The following THRAP3 variants were observed in gnomAD, a reference collection of about 807,000 sequenced individuals.
THRAP3 encodes thyroid hormone receptor-associated protein 3.
In THRAP3, 16 loss-of-function variants were observed where a neutral mutation model predicts 101.0. That is an observed-to-expected ratio of 0.16 (90% CI 0.11 to 0.24). The LOEUF is 0.24. Ranked by LOEUF, THRAP3 falls within the 10% of genes least tolerant of loss-of-function variation. The probability of loss-of-function intolerance (pLI) is 1.00; values close to 1 mark genes in which losing one functional copy is unlikely to be tolerated. For synonymous variants in THRAP3, 407 were observed against 422.6 expected, an observed-to-expected ratio of 0.96 and a Z score of 0.45; for missense variants, 989 against 1,202.7, an observed-to-expected ratio of 0.82 and a Z score of 2.63.
intron 1 of THRAP3, among the ~76,000 whole-genome samples, chr1:36,226,875 C>T (rs1478822858): frequency 6.6e-6 from 1 of 152,080 alleles, no homozygotes; most frequent in Admixed American, 6.6e-5. Flanking sequence ...GGAAACTTAA[C>T]AGGATTGTTG....
At chr1:36,295,545 T>TTTCGTTCCTTCC (rs1553125425) in intron 8 of THRAP3, among the ~76,000 whole-genome samples, 1 of 145,408 alleles carries the variant, frequency 6.9e-6, no homozygotes, top group African/African-American at 2.6e-5. Context: ...AGAGAAGTTT[T>TTTCGTTCCTTCC]TTCCTTCCTT....
chr1:36,291,295 T>C, intron 5 of THRAP3, 79 bp from the exon 6 acceptor site: 1 of 1,433,348 alleles, frequency 7.0e-7, no homozygotes, highest in South Asian at 1.4e-5. Flanking sequence ...TTAAAACTCT[T>C]CAAAAAAGTA....
rs1646077617 is a variant in THRAP3 at position 36,304,703 on chromosome 1, C to T, written c.*686C>T. The T allele has an allele frequency of 4.6e-6, 1 of 216,934 alleles. No individual in the cohort carries two copies. The highest frequency in any genetic ancestry group is 2.3e-5 in the African/African-American group (1 of 44,352). 13.4% of individuals were successfully genotyped at this position (216,934 alleles called of 1,614,324 possible). Reference sequence around the variant, plus strand: ...TATCACGTGGAGTTGCTCCTTACCACACCTCACGTGCCCCTGAGCCCTATT... The same window carrying T: ...TATCACGTGGAGTTGCTCCTTACCATACCTCACGTGCCCCTGAGCCCTATT... On this transcript the variant is annotated 3_prime_UTR_variant, in exon 12 of 12. Coordinates refer to ENST00000354618, the MANE Select transcript of THRAP3 (RefSeq NM_005119.4).
intron 1 of THRAP3, among the ~76,000 whole-genome samples, chr1:36,252,858 G>T (rs1277091594): frequency 1.4e-5 from 2 of 148,012 alleles, no homozygotes; most frequent in Non-Finnish European, 3.0e-5. Context: ...ACTGAGCCAA[G>T]ACCATGCCAC....
chr1:36,269,384 CT>C (rs1645559977), intron 2 of THRAP3, among the ~76,000 whole-genome samples: 1 of 152,014 alleles, frequency 6.6e-6, no homozygotes, highest in Non-Finnish European at 1.5e-5. Flanking sequence ...TCTCGTGATA[CT>C]TTTCTCAGTG....
At chr1:36,217,257 AG>A in the THRAP3 span, among the ~76,000 whole-genome samples, 3 of 152,206 alleles carry the variant, frequency 2.0e-5, no homozygotes, top group Admixed American at 2.0e-4. Context: ...GTGGGAAATC[AG>A]GGTATGGTGG....
chr1:36,274,138 G>T (rs1645626910), intron 2 of THRAP3, among the ~76,000 whole-genome samples: 1 of 150,616 alleles, frequency 6.6e-6, no homozygotes, highest in South Asian at 2.1e-4. Context: ...CTATACAGTA[G>T]CAATGAACAA....
intron 1 of THRAP3, among the ~76,000 whole-genome samples, chr1:36,226,610 C>T (rs936424918): frequency 4.6e-5 from 7 of 152,108 alleles, no homozygotes; most frequent in Admixed American, 1.3e-4. Context: ...CATTTTAGGG[C>T]GCTACCCTGT....
chr1:36,303,828 G>A lies in THRAP3; in HGVS notation c.2679G>A (p.Lys893=), dbSNP rs762962777. Residue 893 remains lysine, a synonymous_variant, in exon 12 of 12, where the codon AAG becomes AAA. Transcript: ENST00000354618. ...HDDREGEGSD[K]WVSRGRGRGA... ...ACCGTGAAGGCGAAGGCAGTGACAA[G>A]TGGGTGAGCCGGGGCCGGGGCCGAG... 9.3e-6 allele frequency: 15 copies of A among 1,614,072 alleles called. No individual in the cohort carries two copies. Among genetic ancestry groups the A allele is most frequent in the African/African-American group, 2.7e-5 (2 of 74,924 alleles).
chr1:36,294,635 A>C (rs1645921756), intron 8 of THRAP3, among the ~76,000 whole-genome samples: 1 of 152,186 alleles, frequency 6.6e-6, no homozygotes, highest in Admixed American at 6.5e-5. Context: ...AACCTTTTCT[A>C]AAAAATACTT....
chr1:36,220,842 C>A (rs1644899002), upstream of THRAP3, among the ~76,000 whole-genome samples: 1 of 150,846 alleles, frequency 6.6e-6, no homozygotes. Context: ...GTAATCTCAG[C>A]TACTCGGGAG....
chr1:36,238,456 T>C (rs574094852), intron 1 of THRAP3, among the ~76,000 whole-genome samples: 1 of 152,304 alleles, frequency 6.6e-6, no homozygotes, highest in East Asian at 1.9e-4. Flanking sequence ...CAGATTATTT[T>C]TTTAGGGGTA....
At chr1:36,288,481 A>G in intron 4 of THRAP3, 3 of 985,442 alleles carry the variant, frequency 3.0e-6, no homozygotes, top group Non-Finnish European at 3.6e-6. Flanking sequence ...AAGAAAGAGA[A>G]TGATGATTTT....
rs1430103971 is a variant in THRAP3, at chr1:36,304,515, T to C, written c.*498T>C. 1 of 228,268 alleles carries C rather than the reference T, an allele frequency of 4.4e-6. No homozygotes were observed. The highest frequency in any genetic ancestry group is 8.7e-6 in the Non-Finnish European group (1 of 114,826). 14.1% of individuals were successfully genotyped at this position (228,268 alleles called of 1,614,324 possible). On this transcript the variant is annotated 3_prime_UTR_variant, in exon 12 of 12. Transcript: ENST00000354618. ...TAGAAACATTTAATTTGGGAAACTT[T>C]GATTCTTGAAAGAGAAAACAAAAGC...
the THRAP3 span, among the ~76,000 whole-genome samples, chr1:36,211,223 TG>T: frequency 1.3e-5 from 2 of 151,682 alleles, no homozygotes; most frequent in Non-Finnish European, 2.9e-5. Flanking sequence ...TAACTGTGCC[TG>T]GTGGCACGCG....
At chr1:36,222,069 C>T (rs2124301739), upstream of THRAP3, among the ~76,000 whole-genome samples, 1 of 152,236 alleles carries the variant, frequency 6.6e-6, no homozygotes, top group Middle Eastern at 3.4e-3. Flanking sequence ...GCCTCGCCCT[C>T]CCCAAGTGCA....
chr1:36,239,858 A>AG (rs1292574610), intron 1 of THRAP3, among the ~76,000 whole-genome samples: 2 of 152,302 alleles, frequency 1.3e-5, no homozygotes, highest in East Asian at 1.9e-4. Flanking sequence ...TCGTGGTAAA[A>AG]TATGTATAAC....
At chr1:36,235,349 T>G (rs558572316) in intron 1 of THRAP3, among the ~76,000 whole-genome samples, 1 of 152,256 alleles carries the variant, frequency 6.6e-6, no homozygotes, top group East Asian at 1.9e-4. Flanking sequence ...TCATAAGAAG[T>G]TAAGTCTGAA....
chr1:36,253,696 C>T (rs1308030705), intron 1 of THRAP3, among the ~76,000 whole-genome samples: 2 of 150,926 alleles, frequency 1.3e-5, no homozygotes, highest in Non-Finnish European at 2.9e-5. Flanking sequence ...TGGGCTTAAG[C>T]GAGCCTCCTG....
Sources: gnomAD v4.1 joint callset for allele counts (sites outside exome capture counted in the v4.1 genomes callset) on GRCh38, gnomAD v4.1.1 for gene constraint, MANE v1.5 for transcripts, NCBI Gene and HGNC (gene_info 2026-07-23, HGNC 2026-07-21) for gene names.